Variants in ANKRD30A observed in about 807,000 individuals in gnomAD.
The protein encoded by ANKRD30A is ankyrin repeat domain-containing protein 30A.
A neutral mutation model predicts 166.3 loss-of-function variants in ANKRD30A; 170 were observed. The observed-to-expected ratio is 1.02, with a 90% CI of 0.90 to 1.16. The LOEUF is 1.16. Among genes scored for constraint, ANKRD30A ranks in the 50% most tolerant of loss-of-function variants. The pLI is 0.00. For synonymous variants in ANKRD30A, 564 were observed against 508.9 expected (o/e 1.11, Z -1.46); for missense variants, 1,630 against 1,518.0 (o/e 1.07, Z -1.23).
chr10:37,253,789 A>AGGTGCCC, the ANKRD30A span, among the ~76,000 whole-genome samples: 1 of 151,972 alleles, frequency 6.6e-6, no homozygotes, highest in Non-Finnish European at 1.5e-5. Context: ...CTGGGACCAC[A>AGGTGCCC]GGTGCCCGCC....
At chr10:37,161,853 C>T (rs372960724) in intron 15 of ANKRD30A, among the ~76,000 whole-genome samples, 20 of 152,078 alleles carry the variant, frequency 1.3e-4, no homozygotes, top group South Asian at 1.0e-3. Context: ...AATGATACAC[C>T]GAACCAGACG....
Position 37,149,810 on chromosome 10 carries a change from A to G in ANKRD30A, c.1606A>G (p.Lys536Glu), listed in dbSNP as rs764427256. The stretch of plus-strand genomic sequence containing the variant: ...TGAAATGCAAAACTCTGTTCCAAAT[A>G]AAGCCTTTGAATTGAAGAATGAACA... ...AIEMQNSVPN[K>E]AFELKNEQTL... Residue 536 changes from lysine (K) to glutamate (E), a missense_variant, in exon 11 of 36, where the codon AAA (lysine) becomes GAA (glutamate). By Grantham distance (56) the Lys-to-Glu change is moderately conservative (BLOSUM62 1). This residue lies in a region of ANKRD30A where 904 missense variants were observed against 818.5 expected (regional missense o/e 1.10). Coordinates refer to ENST00000361713, the MANE Select transcript of ANKRD30A (RefSeq NM_052997.3). The G allele has an allele frequency of 1.2e-6, 2 of 1,612,948 alleles. No individual in the cohort carries two copies. The highest frequency in any genetic ancestry group is 4.5e-5 in the East Asian group (2 of 44,774).
chr10:37,204,349 C>G (rs1013045303), intron 31 of ANKRD30A, among the ~76,000 whole-genome samples: 4 of 152,032 alleles, frequency 2.6e-5, no homozygotes, highest in African/African-American at 9.7e-5. Context: ...ATGAACCAGA[C>G]AAAAACAAGA....
chr10:37,162,483 T>A (rs1299580627), intron 15 of ANKRD30A, among the ~76,000 whole-genome samples, 166 bp from the exon 16 acceptor site: 1 of 152,190 alleles, frequency 6.6e-6, no homozygotes, highest in Non-Finnish European at 1.5e-5. Context: ...CAGTGTATTC[T>A]TGTCGTGTGT....
the ANKRD30A span, among the ~76,000 whole-genome samples, chr10:37,244,175 A>G: frequency 6.6e-5 from 10 of 152,272 alleles, no homozygotes; most frequent in Non-Finnish European, 1.3e-4. Flanking sequence ...GAACCCTATT[A>G]TTATAGAGTT....
the ANKRD30A span, among the ~76,000 whole-genome samples, chr10:37,246,423 T>G: frequency 3.3e-5 from 5 of 152,356 alleles, no homozygotes; most frequent in Admixed American, 1.3e-4. Context: ...TGCTTAGGAC[T>G]CTTTTAATCT....
chr10:37,260,358 C>A, the ANKRD30A span, among the ~76,000 whole-genome samples: 3 of 152,162 alleles, frequency 2.0e-5, no homozygotes, highest in African/African-American at 7.2e-5. Flanking sequence ...AAGCTCCAGG[C>A]TCTATTTTCC....
At chr10:37,138,229 C>T (rs1173500508) in intron 6 of ANKRD30A, among the ~76,000 whole-genome samples, 3 of 152,038 alleles carry the variant, frequency 2.0e-5, no homozygotes, top group Non-Finnish European at 2.9e-5. Flanking sequence ...CCCATCTGTA[C>T]GTCACCATCA....
chr10:37,156,311 G>C (rs537677497), intron 13 of ANKRD30A, among the ~76,000 whole-genome samples: 6 of 151,806 alleles, frequency 4.0e-5, no homozygotes, highest in Non-Finnish European at 7.4e-5. Flanking sequence ...TGAATCTTTC[G>C]AGCTATGCCA....
chr10:37,152,407 T>A (rs1444221631), intron 12 of ANKRD30A, among the ~76,000 whole-genome samples: 1 of 152,206 alleles, frequency 6.6e-6, no homozygotes, highest in East Asian at 1.9e-4. Context: ...AGTACATTTG[T>A]CTAAAAGTGA....
Position 37,201,285 on chromosome 10 carries a change from A to T in ANKRD30A, c.2829A>T (p.Thr943=). The T allele has an allele frequency of 1.3e-6, 2 of 1,596,282 alleles. No individual in the cohort carries two copies. Among genetic ancestry groups the T allele is most frequent in the Non-Finnish European group, 1.7e-6 (2 of 1,172,592 alleles). The change falls in exon 31 of 36, where the codon ACA becomes ACT. Residue 943 remains threonine, a synonymous_variant. Coordinates refer to ENST00000361713, the MANE Select transcript of ANKRD30A (RefSeq NM_052997.3). ...SQKDVCVPKA[T]HQKEMDKISG... ...AGGATGTGTGTGTACCCAAGGCTAC[A>T]CATCAAAAAGAAATGGATAAAATAA...
intron 13 of ANKRD30A, among the ~76,000 whole-genome samples, chr10:37,157,223 A>G (rs1434470624): frequency 6.6e-6 from 1 of 152,222 alleles, no homozygotes; most frequent in Non-Finnish European, 1.5e-5. Context: ...GCACGGTGTA[A>G]CAAATAGAAT....
chr10:37,166,990 C>T (rs1320253220), intron 19 of ANKRD30A, among the ~76,000 whole-genome samples: 1 of 151,946 alleles, frequency 6.6e-6, no homozygotes, highest in Non-Finnish European at 1.5e-5. Flanking sequence ...CTGAGAAAGA[C>T]AGAGCATACA....
At chr10:37,193,366 G>A (rs1225329417) in intron 27 of ANKRD30A, 108 bp downstream of exon 27, 55 of 1,311,226 alleles carry the variant, frequency 4.2e-5, no homozygotes, top group Non-Finnish European at 4.5e-5. Flanking sequence ...AATTTGATGG[G>A]AAATTTCGAT....
In ANKRD30A at chr10:37,231,611, A is replaced by G. The variant is rs572701406; in HGVS notation, c.*142A>G. The G allele has an allele frequency of 1.9e-6, 1 of 534,416 alleles. No individual in the cohort carries two copies. The highest frequency in any genetic ancestry group is 2.0e-5 in the African/African-American group (1 of 50,294). 33.1% of individuals were successfully genotyped at this position (534,416 alleles called of 1,614,324 possible). A position where few individuals can be genotyped will look rare whatever the true frequency, so the allele number is the denominator to read the frequency against. ...GTGTCAACAGAATACTTATTTTAGA[A>G]GAAAAATTCATGATTTCTTCCTGAA... On this transcript the variant is annotated 3_prime_UTR_variant, in exon 35 of 36. Transcript: ENST00000361713.
Position 37,158,424 on chromosome 10 carries a change from A to C in ANKRD30A, c.1827+4A>C. Reference sequence around the variant, plus strand: ...TAATAAAGATGGTCTTCTGAAGGTAATAACTTTTATATTTTTGTCTTGAGT... The same window carrying C: ...TAATAAAGATGGTCTTCTGAAGGTACTAACTTTTATATTTTTGTCTTGAGT... On this transcript the variant is annotated splice_donor_region_variant and intron_variant, in intron 14 of 35. Transcript: ENST00000361713. 3 of 1,611,512 alleles carry C rather than the reference A, an allele frequency of 1.9e-6. No homozygotes were observed. Among genetic ancestry groups the C allele is most frequent in the Non-Finnish European group, 2.5e-6 (3 of 1,178,076 alleles).
chr10:37,197,860 C>A (rs1044361003), intron 29 of ANKRD30A, among the ~76,000 whole-genome samples: 36 of 152,088 alleles, frequency 2.4e-4, no homozygotes, highest in African/African-American at 8.7e-4. Context: ...ACTGATATAA[C>A]ACTCGTGTTT....
intron 24 of ANKRD30A, among the ~76,000 whole-genome samples, chr10:37,179,059 T>C (rs1187892396): frequency 7.5e-6 from 1 of 132,952 alleles, no homozygotes; most frequent in Non-Finnish European, 1.6e-5. Flanking sequence ...TATATATATA[T>C]ATATAGATGT....
At position 37,149,683 on chromosome 10, in the gene ANKRD30A, T is replaced by C; in HGVS notation, c.1572+4T>C. 6 of 1,612,486 alleles carry C rather than the reference T, an allele frequency of 3.7e-6. No individual in the cohort carries two copies. Among genetic ancestry groups the C allele is most frequent in the Non-Finnish European group, 5.1e-6 (6 of 1,178,834 alleles). On this transcript the variant is annotated splice_donor_region_variant and intron_variant, in intron 10 of 35. Transcript: ENST00000361713. ...TAAGAAGCCATCTGCCTTCAAGGTA[T>C]TTAGTTTTATTATTTCATTTTGAAT...
Sources: allele counts gnomAD v4.1 joint callset (sites outside exome capture counted in the v4.1 genomes callset), GRCh38; gene constraint gnomAD v4.1.1; regional missense constraint gnomAD v4.1.1; transcripts MANE v1.5; gene names NCBI Gene and HGNC (gene_info 2026-07-23, HGNC 2026-07-21).